GLYATL2: variants seen among roughly 807,000 people sequenced by gnomAD.
GLYATL2 encodes glycine-N-acyltransferase like 2, also known as glycine N-acyltransferase-like protein 2.
GLYATL2 carries 25 observed loss-of-function variants against 21.4 expected under a neutral mutation model. The observed-to-expected ratio is 1.17, with a 90% confidence interval of 0.85 to 1.63. The LOEUF (loss-of-function observed/expected upper bound fraction) is 1.63. Among genes scored for constraint, GLYATL2 ranks in the 40% most tolerant of loss-of-function variants. GLYATL2 has a pLI of 0.00. For missense variants in GLYATL2, 361 were observed against 343.3 expected (o/e 1.05, Z -0.41); for synonymous variants, 114 against 118.2 (o/e 0.96, Z 0.23).
upstream of GLYATL2, chr11:58,907,255 T>G (rs1046823297): frequency 6.6e-6 from 3 of 456,166 alleles, no homozygotes; most frequent in Non-Finnish European, 1.3e-5. Flanking sequence ...CCCGCCAGGT[T>G]TGTGGCCTGT....
At chr11:58,859,051 T>G (rs1243055602) in intron 1 of GLYATL2, among the ~76,000 whole-genome samples, 4 of 152,198 alleles carry the variant, frequency 2.6e-5, no homozygotes, top group African/African-American at 9.6e-5. Context: ...TTTCTTCCTG[T>G]GTAGGGGTGG....
intron 1 of GLYATL2, among the ~76,000 whole-genome samples, chr11:58,896,399 C>T (rs1005992924): frequency 7.9e-5 from 12 of 152,186 alleles, no homozygotes; most frequent in Non-Finnish European, 1.3e-4. Context: ...CCTTTCAATG[C>T]ACGAGGAAAC....
intron 1 of GLYATL2, among the ~76,000 whole-genome samples, chr11:58,894,714 C>T (rs1854606463): frequency 6.6e-6 from 1 of 152,004 alleles, no homozygotes; most frequent in Middle Eastern, 3.2e-3. Context: ...TTAAAAAAAA[C>T]TCCAATTCAT....
At chr11:58,851,772 T>A (rs1483085745) in intron 1 of GLYATL2, among the ~76,000 whole-genome samples, 1 of 151,954 alleles carries the variant, frequency 6.6e-6, no homozygotes, top group Non-Finnish European at 1.5e-5. Flanking sequence ...TGTTAAAGAG[T>A]TTCTAAATCA....
upstream of GLYATL2, among the ~76,000 whole-genome samples, chr11:58,906,470 C>T (rs1854889518): frequency 6.6e-6 from 1 of 152,058 alleles, no homozygotes; most frequent in Non-Finnish European, 1.5e-5. Flanking sequence ...TTCAAAGTTC[C>T]TGGGGTGTAG....
At chr11:58,903,434 A>C (rs1299658710) in intron 1 of GLYATL2, among the ~76,000 whole-genome samples, 1 of 152,096 alleles carries the variant, frequency 6.6e-6, no homozygotes, top group African/African-American at 2.4e-5. Context: ...GCACATTGGA[A>C]GGCTGAGGCA....
chr11:58,896,915 C>A (rs149143226), intron 1 of GLYATL2, among the ~76,000 whole-genome samples: 3 of 152,310 alleles, frequency 2.0e-5, no homozygotes, highest in Admixed American at 6.5e-5. Flanking sequence ...TCTCTTTACT[C>A]TTTCTCCAAG....
At chr11:58,876,672 G>T (rs1389838015) in intron 1 of GLYATL2, among the ~76,000 whole-genome samples, 1 of 152,166 alleles carries the variant, frequency 6.6e-6, no homozygotes, top group African/African-American at 2.4e-5. Context: ...AGGAGTACCT[G>T]GCTGTGTGAG....
At chr11:58,856,231 C>T (rs932878983) in intron 1 of GLYATL2, among the ~76,000 whole-genome samples, 6 of 152,128 alleles carry the variant, frequency 3.9e-5, no homozygotes, top group African/African-American at 1.2e-4. Context: ...TTCCTCACCT[C>T]TCTTAGTTAT....
chr11:58,856,619 T>C (rs1590726286), intron 1 of GLYATL2, among the ~76,000 whole-genome samples: 1 of 152,128 alleles, frequency 6.6e-6, no homozygotes. Context: ...GTAATTTAAA[T>C]GTTGTTGTGT....
chr11:58,886,675 G>A (rs915620242), intron 1 of GLYATL2, among the ~76,000 whole-genome samples: 3 of 152,140 alleles, frequency 2.0e-5, no homozygotes, highest in African/African-American at 7.2e-5. Context: ...TGATTAAGCT[G>A]AAATAGTAAT....
At chr11:58,853,398 G>A (rs1004414422) in intron 1 of GLYATL2, among the ~76,000 whole-genome samples, 4 of 152,126 alleles carry the variant, frequency 2.6e-5, no homozygotes, top group African/African-American at 9.7e-5. Flanking sequence ...TACACAGAAG[G>A]CTGACTTTTC....
At chr11:58,850,130 C>A (rs1309011989) in intron 1 of GLYATL2, among the ~76,000 whole-genome samples, 12 of 152,184 alleles carry the variant, frequency 7.9e-5, no homozygotes, top group Non-Finnish European at 4.4e-5. Context: ...TACTAGCAAA[C>A]CCTGGTAAAA....
chr11:58,867,242 T>C lies in GLYATL2; in HGVS notation n.61-28874A>G, dbSNP rs1590733799. On this transcript the variant is annotated intron_variant and non_coding_transcript_variant, in intron 1 of 4. Transcript: ENST00000533636. ...TAATAGATTTAAAATGTGTATATTT[T>C]ATAAATGTATGCTTACAACAACAAA... Among the ~76,000 whole-genome samples, 2 of 149,280 alleles carry C rather than the reference T, an allele frequency of 1.3e-5. 1 individual carries two copies. The highest frequency in any genetic ancestry group is 3.0e-5 in the Non-Finnish European group (2 of 67,222).
intron 1 of GLYATL2, among the ~76,000 whole-genome samples, chr11:58,872,290 T>A (rs573472639): frequency 9.2e-5 from 14 of 152,292 alleles, no homozygotes; most frequent in African/African-American, 3.1e-4. Context: ...TTAGTTTAAT[T>A]AGATCCCATT....
chr11:58,862,246 C>T (rs1040172156), intron 1 of GLYATL2, among the ~76,000 whole-genome samples: 1 of 152,084 alleles, frequency 6.6e-6, no homozygotes, highest in Non-Finnish European at 1.5e-5. Context: ...ATCTTCCTTT[C>T]CTTTGATTTT....
intron 1 of GLYATL2, among the ~76,000 whole-genome samples, chr11:58,842,229 G>T (rs1853565910): frequency 6.6e-6 from 1 of 152,050 alleles, no homozygotes; most frequent in Non-Finnish European, 1.5e-5. Context: ...TTAAGTTTTG[G>T]ACTGGAAGAA....
chr11:58,898,196 C>T (rs541496952), intron 1 of GLYATL2, among the ~76,000 whole-genome samples: 50 of 152,244 alleles, frequency 3.3e-4, no homozygotes, highest in Admixed American at 3.9e-4. Context: ...AATAAGACGA[C>T]ATCTTCCAAT....
At chr11:58,835,396 C>G (rs1228349318) in intron 5 of GLYATL2, among the ~76,000 whole-genome samples, 1 of 152,190 alleles carries the variant, frequency 6.6e-6, no homozygotes, top group Non-Finnish European at 1.5e-5. Context: ...AAAAAGAATA[C>G]TACATTTTTG....
Sources: gnomAD v4.1 joint callset for allele counts (sites outside exome capture counted in the v4.1 genomes callset) on GRCh38, gnomAD v4.1.1 for gene constraint, MANE v1.5 for transcripts, NCBI Gene and HGNC (gene_info 2026-07-23, HGNC 2026-07-21) for gene names.